The following KIF17 variants were observed in gnomAD, a reference collection of about 807,000 sequenced individuals.
KIF17 encodes the protein kinesin family member 17, also known as kinesin-like protein KIF17.
In KIF17, 80 loss-of-function variants were observed where a neutral mutation model predicts 96.8. The observed-to-expected ratio is 0.83, with a 90% CI of 0.69 to 1.00. The LOEUF (loss-of-function observed/expected upper bound fraction) is 1.00, where lower values mean the gene tolerates loss of function less well. Among genes scored for constraint, KIF17 ranks in the 50% least tolerant of loss-of-function variants. KIF17 has a pLI of 0.00. For synonymous variants in KIF17, 567 were observed against 587.5 expected (o/e 0.97, Z 0.51); for missense variants, 1,280 against 1,372.9 (o/e 0.93, Z 1.07).
chr1:20,671,794 CAG>C, intron 12 of KIF17, 142 bp downstream of exon 12: 2 of 1,001,060 alleles, frequency 2.0e-6, no homozygotes, highest in Non-Finnish European at 3.0e-6. Context: ...ACCACTTTCT[CAG>C]AGTCCTGACG....
intron 11 of KIF17, among the ~76,000 whole-genome samples, chr1:20,681,083 G>A (rs1177280298): frequency 6.8e-6 from 1 of 147,254 alleles, no homozygotes; most frequent in Non-Finnish European, 1.5e-5. Context: ...CTGAGATCTC[G>A]CCACTGCACT....
At position 20,717,826 on chromosome 1, in the gene KIF17, G is replaced by A. The variant is rs1176493909; in HGVS notation, c.-120C>T. On this transcript the variant is annotated 5_prime_UTR_variant, in exon 1 of 15. Transcript: ENST00000400463. ...ACGGGGGGCGGGGCCTTGAGGCAGG[G>A]GCGGGGCCGCGGCGGGGGGCGGGGA... The A allele has an allele frequency of 6.4e-5, 67 of 1,049,754 alleles. No individual in the cohort carries two copies. The East Asian group carries it at 2.4e-3, about 38-fold the overall frequency. The allele number at this position is 1,049,754 out of a possible 1,614,324, so 65.0% of individuals were successfully genotyped here. A position where few individuals can be genotyped will look rare whatever the true frequency, so the allele number is the denominator to read the frequency against.
At chr1:20,663,636 G>A (rs960902830), downstream of KIF17, among the ~76,000 whole-genome samples, 2 of 152,220 alleles carry the variant, frequency 1.3e-5, no homozygotes, top group African/African-American at 4.8e-5. Context: ...GCAAGGGGAA[G>A]GCTGTGTCCT....
rs979206134 is a variant in KIF17 at position 20,672,351 on chromosome 1, C to G, written c.2464-155G>C. Among the ~76,000 whole-genome samples the G allele has an allele frequency of 3.9e-5, 6 of 152,088 alleles. No individual in the cohort carries two copies. Among genetic ancestry groups the G allele is most frequent in the Non-Finnish European group, 5.9e-5 (4 of 68,024 alleles). On this transcript the variant is annotated intron_variant, in intron 11 of 14. Transcript: ENST00000400463. The surrounding 1 kb of genome is among the most constrained non-coding windows in gnomAD (Gnocchi z 4.3). ...TCATCCCCACCATCCATCCAGCCAT[C>G]CTTCCCTCCATCCATCCATCCACCT...
At chr1:20,692,782 T>C (rs1056316504) in intron 6 of KIF17, 1 of 151,710 alleles carries the variant, frequency 6.6e-6, no homozygotes, top group African/African-American at 2.4e-5. Flanking sequence ...CTTTCTTTTT[T>C]TTTTTTTTTG....
chr1:20,689,520 G>A (rs2054001890), intron 7 of KIF17, among the ~76,000 whole-genome samples: 1 of 152,078 alleles, frequency 6.6e-6, no homozygotes, highest in African/African-American at 2.4e-5. Flanking sequence ...GTGTGGTAGT[G>A]TGCACCTGTA....
rs369522146 is a variant in KIF17, at chr1:20,704,613, G to A, written c.957C>T (p.Tyr319=). 384 of 1,614,038 alleles carry A rather than the reference G, an allele frequency of 2.4e-4. 1 individual carries two copies. The highest frequency in any genetic ancestry group is 2.7e-4 in the Non-Finnish European group (314 of 1,180,026). Residue 319 remains tyrosine, a synonymous_variant, in exon 5 of 15, where the codon TAC becomes TAT. Coordinates refer to ENST00000400463, the MANE Select transcript of KIF17 (RefSeq NM_001122819.3). The surrounding 1 kb of genome is among the most constrained non-coding windows in gnomAD (Gnocchi z 6.8). ...AGCGCAGCGTGCTGAGTGTCTCATC[G>A]TAGTTGTTGTCCGCAGGCGACAGGC... ...VACLSPADNN[Y]DETLSTLRYA...
chr1:20,671,442 C>T (rs867034570), intron 12 of KIF17, among the ~76,000 whole-genome samples: 3 of 152,052 alleles, frequency 2.0e-5, no homozygotes, highest in African/African-American at 4.8e-5. Context: ...GCGATCCTCT[C>T]GCCTCAGCCC....
intron 3 of KIF17, among the ~76,000 whole-genome samples, chr1:20,712,933 T>G (rs1250729828): frequency 1.0e-3 from 106 of 105,130 alleles, no homozygotes; most frequent in African/African-American, 3.6e-3. Context: ...CTATATTATC[T>G]ATAATATTAT....
chr1:20,685,011 G>C lies in KIF17; in HGVS notation c.2029C>G (p.Leu677Val). ...DDFPPRPEVD[L>V]ASEVALEVVR... ...ACCTCTAAGGCCACTTCCGAGGCCA[G>C]ATCTACCTCCTGAGTGTGAAGAGAA... Residue 677 changes from leucine to valine, a missense_variant, in exon 10 of 15, where the codon CTG (leucine) becomes GTG (valine). By Grantham distance (32) the Leu-to-Val change is conservative. Transcript: ENST00000400463. The surrounding 1 kb of genome is among the most constrained non-coding windows in gnomAD (Gnocchi z 4.1). The C allele has an allele frequency of 6.3e-7, 1 of 1,594,800 alleles. No individual in the cohort carries two copies. The highest frequency in any genetic ancestry group is 8.5e-7 in the Non-Finnish European group (1 of 1,170,606).
At chr1:20,679,578 G>A (rs2053795348) in intron 11 of KIF17, among the ~76,000 whole-genome samples, 2 of 152,196 alleles carry the variant, frequency 1.3e-5, no homozygotes, top group African/African-American at 4.8e-5. Context: ...TGAGGCAGGA[G>A]TGGAGTCAGA....
Position 20,687,022 on chromosome 1 carries a change from G to C in KIF17, c.1938+366C>G, listed in dbSNP as rs567778557. ...ACCCAGCTCACTACAGAGCTCACGA[G>C]CCAGTGAGCGTCGCCCAGGGCTCCG... On this transcript the variant is annotated intron_variant, in intron 8 of 14. Transcript: ENST00000400463. The surrounding 1 kb of genome is among the most constrained non-coding windows in gnomAD (Gnocchi z 4.4). Among the ~76,000 whole-genome samples, 13 of 152,326 alleles carry C rather than the reference G, an allele frequency of 8.5e-5. No individual in the cohort carries two copies. The highest frequency in any genetic ancestry group is 7.2e-4 in the Admixed American group (11 of 15,298).
rs575832607 is a variant in KIF17 at position 20,699,633 on chromosome 1, G to A, written c.1124-1145C>T. ...GTCAAGGCATGAAGGAAGCAGCGAG[G>A]AGAGGGCGGGCACAGGAGGAGCTTG... On this transcript the variant is annotated intron_variant, in intron 5 of 14. Transcript: ENST00000400463. The surrounding 1 kb of genome is among the most constrained non-coding windows in gnomAD (Gnocchi z 4.3). Among the ~76,000 whole-genome samples, 137 of 152,348 alleles carry A rather than the reference G, an allele frequency of 9.0e-4. 1 individual carries two copies. Among genetic ancestry groups the A allele is most frequent in the African/African-American group, 3.2e-3 (133 of 41,590 alleles).
At position 20,666,264 on chromosome 1, in the gene KIF17, C is replaced by G. The variant is rs1298712226; in HGVS notation, c.2858G>C (p.Arg953Pro). The change falls in exon 14 of 15, where the codon CGA becomes CCA. Residue 953 changes from arginine (R) to proline (P), a missense_variant. Physicochemically the swap from Arg to Pro is moderately radical, Grantham distance 103. Coordinates refer to ENST00000400463, the MANE Select transcript of KIF17 (RefSeq NM_001122819.3). The stretch of plus-strand genomic sequence containing the variant: ...GAGGATCTGGCTGGCCCGCTTAGAT[C>G]GGAAGTAGTTGCTGGCAATGTTTTC... ...NSENIASNYF[R>P]SKRASQILST... 2 of 1,614,062 alleles carry G rather than the reference C, an allele frequency of 1.2e-6. No homozygotes were observed. Among genetic ancestry groups the G allele is most frequent in the Non-Finnish European group, 1.7e-6 (2 of 1,180,024 alleles).
At position 20,664,365 on chromosome 1, in the gene KIF17, C is replaced by G. The variant is rs1244071421; in HGVS notation, c.*219G>C. The G allele has an allele frequency of 7.0e-7, 1 of 1,438,574 alleles. No homozygotes were observed. The highest frequency in any genetic ancestry group is 9.1e-7 in the Non-Finnish European group (1 of 1,101,002). The allele number at this position is 1,438,574 out of a possible 1,614,324, so 89.1% of individuals were successfully genotyped here. A position where few individuals can be genotyped will look rare whatever the true frequency, so the allele number is the denominator to read the frequency against. On this transcript the variant is annotated 3_prime_UTR_variant, in exon 15 of 15. Transcript: ENST00000400463. ...TGTGGTATGAACAGCTGGAGCAGGC[C>G]TCTCTAAGGAGGACTATACAGCCTC...
At chr1:20,680,093 G>A (rs921824175) in intron 11 of KIF17, among the ~76,000 whole-genome samples, 20 of 151,998 alleles carry the variant, frequency 1.3e-4, no homozygotes, top group Admixed American at 6.6e-5. Context: ...CAAGCGATTC[G>A]CCCACCTCAG....
At chr1:20,713,093 T>C (rs962295734) in intron 3 of KIF17, among the ~76,000 whole-genome samples, 2 of 149,510 alleles carry the variant, frequency 1.3e-5, no homozygotes, top group Non-Finnish European at 3.0e-5. Context: ...CCTCCTGGGT[T>C]CAAGTGATTC....
chr1:20,668,446 A>G (rs2053573247), intron 13 of KIF17, among the ~76,000 whole-genome samples: 1 of 152,222 alleles, frequency 6.6e-6, no homozygotes, highest in Admixed American at 6.5e-5. Context: ...TTTGGTATCT[A>G]TCGCTTGGAG....
intron 10 of KIF17, among the ~76,000 whole-genome samples, chr1:20,684,185 G>A (rs1200100242): frequency 6.6e-6 from 1 of 152,246 alleles, no homozygotes; most frequent in Non-Finnish European, 1.5e-5. Context: ...GGCCCTGCCT[G>A]TCCTCCGCCC....
Sources: gnomAD v4.1 joint callset for allele counts (sites outside exome capture counted in the v4.1 genomes callset) on GRCh38, gnomAD v4.1.1 for gene constraint, Gnocchi (gnomAD v3.1) non-coding constraint, MANE v1.5 for transcripts, NCBI Gene and HGNC (gene_info 2026-07-23, HGNC 2026-07-21) for gene names.